Variants in PLCB3 observed in about 807,000 individuals in gnomAD.
PLCB3 encodes the protein phospholipase C beta 3.
PLCB3 carries 54 observed loss-of-function variants against 152.1 expected under a neutral mutation model. That is an observed-to-expected ratio of 0.36 (90% CI 0.29 to 0.45). The LOEUF (loss-of-function observed/expected upper bound fraction) is 0.45. PLCB3 is among the 20% of genes least tolerant of loss of function. The pLI is 1.00. For missense variants in PLCB3, 1,248 were observed against 1,687.5 expected, an observed-to-expected ratio of 0.74 and a Z score of 4.56; for synonymous variants, 717 against 698.7, an observed-to-expected ratio of 1.03 and a Z score of -0.41.
intron 12 of PLCB3, 42 bp downstream of exon 12, chr11:64,259,011 G>A (rs2031693136): frequency 6.2e-7 from 1 of 1,612,982 alleles, no homozygotes; most frequent in Non-Finnish European, 8.5e-7. Flanking sequence ...GGGGGCCAGG[G>A]TGCTGCGGAC....
rs1312390896 is a variant in PLCB3 at position 64,259,172 on chromosome 11, C to T, written c.1453C>T (p.Arg485Trp). 1.6e-5 allele frequency: 25 copies of T among 1,601,692 alleles called. No individual in the cohort carries two copies. The highest frequency in any genetic ancestry group is 2.3e-5 in the East Asian group (1 of 44,152). Residue 485 changes from arginine (R) to tryptophan (W), a missense_variant, in exon 13 of 31, where the codon CGG becomes TGG. Around this residue, in one of 6 missense-constraint regions of PLCB3, gnomAD observed 122 missense variants for 221.8 expected, o/e 0.55. Coordinates refer to ENST00000279230, the MANE Select transcript of PLCB3 (RefSeq NM_000932.5). ...TGGCCCAGACAGCGCCGGGCGCAAG[C>T]GGCCCCTGGAGCAGAGCAATTCTGC... ...AGGPDSAGRKRPLEQSNSALS... is the reference protein window; with the variant it reads ...AGGPDSAGRKWPLEQSNSALS...
At chr11:64,254,602 C>T in intron 2 of PLCB3, 110 bp downstream of exon 2, 1 of 1,355,056 alleles carries the variant, frequency 7.4e-7, no homozygotes, top group Non-Finnish European at 1.1e-6. Flanking sequence ...CCCACTGCTG[C>T]CCAGACAGGA....
intron 16 of PLCB3, 107 bp downstream of exon 16, chr11:64,261,772 C>A: frequency 1.4e-6 from 2 of 1,401,006 alleles, no homozygotes; most frequent in Non-Finnish European, 2.0e-6. Flanking sequence ...GCTGGCCCTC[C>A]GGCGGCCCTC....
At position 64,256,369 on chromosome 11, in the gene PLCB3, C is replaced by T. The variant is rs200491327; in HGVS notation, c.699-7C>T. On this transcript the variant is annotated splice_region_variant and splice_polypyrimidine_tract_variant and intron_variant, in intron 8 of 30. Coordinates refer to ENST00000279230, the MANE Select transcript of PLCB3 (RefSeq NM_000932.5). ...TCCATCCTGACCCAGCTTCCTGTCC[C>T]CTCCAGAGGCGCCAAGGGCAAGCCA... 37 of 1,612,402 alleles carry T rather than the reference C, an allele frequency of 2.3e-5. No homozygotes were observed. In the Admixed American group the frequency reaches 2.7e-4, roughly 12 times the overall value.
At position 64,263,551 on chromosome 11, in the gene PLCB3, T is replaced by C; in HGVS notation, c.2409T>C (p.Gly803=). ...SLRIAAFEEG[G]KFVGHRILPV... ...GCATTGCAGCCTTTGAGGAGGGGGG[T>C]AAATTCGTAGGGCACCGGATCCTGC... Residue 803 remains glycine (G), a synonymous_variant, in exon 20 of 31, where the codon GGT becomes GGC. Transcript: ENST00000279230. 2 of 1,597,778 alleles carry C rather than the reference T, an allele frequency of 1.3e-6. No homozygotes were observed. Among genetic ancestry groups the C allele is most frequent in the Non-Finnish European group, 1.7e-6 (2 of 1,172,614 alleles).
chr11:64,263,897 A>G, intron 21 of PLCB3, 102 bp downstream of exon 21: 3 of 1,184,000 alleles, frequency 2.5e-6, no homozygotes. Flanking sequence ...CCGACTGAGT[A>G]GGGAACTGAG....
rs548547666 is a variant in PLCB3, at chr11:64,258,130, G to A, written c.1013-343G>A. Among the ~76,000 whole-genome samples, 20 of 151,420 alleles carry A rather than the reference G, an allele frequency of 1.3e-4. No individual in the cohort carries two copies. Among genetic ancestry groups the A allele is most frequent in the Non-Finnish European group, 2.7e-4 (18 of 67,798 alleles). ...GGTTGTGCCACTGCACTCCAGCCTG[G>A]GTGACAGAGCGAGGTTCCGTCTCAA... is the stretch of plus-strand genomic sequence containing the variant. On this transcript the variant is annotated intron_variant, in intron 10 of 30. Transcript: ENST00000279230. The surrounding 1 kb of genome is among the most constrained non-coding windows in gnomAD (Gnocchi z 7.2).
chr11:64,257,815 CTGATA>C (rs2031618420), intron 10 of PLCB3, among the ~76,000 whole-genome samples: 1 of 151,728 alleles, frequency 6.6e-6, no homozygotes, highest in African/African-American at 2.4e-5. Flanking sequence ...GTGATGTGAC[CTGATA>C]TGATATGTTT....
chr11:64,257,357 G>C (rs953080122), intron 10 of PLCB3, among the ~76,000 whole-genome samples: 1 of 152,126 alleles, frequency 6.6e-6, no homozygotes, highest in East Asian at 1.9e-4. Flanking sequence ...ACTCATGCCT[G>C]TAATCCCAGA....
In PLCB3 at chr11:64,255,348, G is replaced by A. The variant is rs773958318; in HGVS notation, c.467+35G>A. ...AGGCCACCCGAGGGGGAGCCGGGGG[G>A]TTCACGTGGCCGTTTTCAGGGTGTG... On this transcript the variant is annotated intron_variant, in intron 5 of 30. Transcript: ENST00000279230. This position sits in a 1 kb window ranked among gnomAD's most constrained non-coding sequence, Gnocchi z 6.8. 1 of 1,613,552 alleles carries A rather than the reference G, an allele frequency of 6.2e-7. No homozygotes were observed. The highest frequency in any genetic ancestry group is 1.1e-5 in the South Asian group (1 of 91,062).
intron 22 of PLCB3, 68 bp from the exon 23 acceptor site, chr11:64,264,883 T>G: frequency 6.7e-7 from 1 of 1,500,530 alleles, no homozygotes; most frequent in Non-Finnish European, 9.3e-7. Flanking sequence ...ACCCAGGAGG[T>G]GGTAGAGGAC....
At position 64,267,402 on chromosome 11, in the gene PLCB3, C is replaced by A. The variant is rs1162051052; in HGVS notation, c.3551C>A (p.Pro1184His). 2 of 1,540,476 alleles carry A rather than the reference C, an allele frequency of 1.3e-6. No individual in the cohort carries two copies. The highest frequency in any genetic ancestry group is 1.8e-6 in the Non-Finnish European group (2 of 1,141,984). The change falls in exon 31 of 31, where the codon CCC becomes CAC. Residue 1184 changes from proline (P) to histidine (H), a missense_variant. Pro to His is a moderately conservative substitution (Grantham distance 77). This residue lies in a region of PLCB3 where 477 missense variants were observed against 489.6 expected (regional missense o/e 0.97). Coordinates refer to ENST00000279230, the MANE Select transcript of PLCB3 (RefSeq NM_000932.5). The surrounding 1 kb of genome is among the most constrained non-coding windows in gnomAD (Gnocchi z 5.2). ...TGTCAGGAGCAGCGGGCGAGGCTCC[C>A]CCAGGAGATCCGCCGGAGCCTGCTG... ...QECQEQRARLPQEIRRSLLGE... is the reference protein window; with the variant it reads ...QECQEQRARLHQEIRRSLLGE...
chr11:64,265,121 G>T lies in PLCB3; in HGVS notation c.2806+17G>T. 2 of 1,553,204 alleles carry T rather than the reference G, an allele frequency of 1.3e-6. No homozygotes were observed. Among genetic ancestry groups the T allele is most frequent in the Non-Finnish European group, 1.7e-6 (2 of 1,146,606 alleles). ...GCAGCCCAGGTAAGGAGTGGCCTGG[G>T]TCGGGGGTGGGCTGCAGGGAGGCAC... On this transcript the variant is annotated intron_variant, in intron 23 of 30. Coordinates refer to ENST00000279230, the MANE Select transcript of PLCB3 (RefSeq NM_000932.5).
intron 9 of PLCB3, 24 bp downstream of exon 9, chr11:64,256,566 G>A: frequency 6.2e-7 from 1 of 1,612,978 alleles, no homozygotes; most frequent in Non-Finnish European, 8.5e-7. Flanking sequence ...GGTGCAGGTG[G>A]GTGGGGGCAG....
chr11:64,257,388 G>A (rs2031597001), intron 10 of PLCB3, among the ~76,000 whole-genome samples: 1 of 152,108 alleles, frequency 6.6e-6, no homozygotes, highest in South Asian at 2.1e-4. Flanking sequence ...GCTGAAGCAG[G>A]CAGATTACTT....
chr11:64,251,895 G>C (rs1227506979), intron 1 of PLCB3, 147 bp downstream of exon 1: 1 of 445,374 alleles, frequency 2.2e-6, no homozygotes, highest in African/African-American at 2.1e-5. Context: ...TTAAGTCCCC[G>C]ATCGTCTCCG....
chr11:64,261,308 A>C, intron 14 of PLCB3, 92 bp from the exon 15 acceptor site: 2 of 912,660 alleles, frequency 2.2e-6, no homozygotes, highest in South Asian at 2.6e-5. Context: ...TAGTGCTGGG[A>C]AGAGGGTCAG....
Position 64,267,717 on chromosome 11 carries a change from G to T in PLCB3, c.*161G>T, listed in dbSNP as rs1591119504. On this transcript the variant is annotated 3_prime_UTR_variant, in exon 31 of 31. Coordinates refer to ENST00000279230, the MANE Select transcript of PLCB3 (RefSeq NM_000932.5). This position sits in a 1 kb window ranked among gnomAD's most constrained non-coding sequence, Gnocchi z 5.2. Reference sequence around the variant, plus strand: ...CTCAGCTAACTCCCTTCATCCTCCTGGGGCCCCTCCTTCCTGCCCTCAGTC... The same window carrying T: ...CTCAGCTAACTCCCTTCATCCTCCTTGGGCCCCTCCTTCCTGCCCTCAGTC... 1.6e-6 allele frequency: 1 copy of T among 633,320 alleles called. No individual in the cohort carries two copies. The highest frequency in any genetic ancestry group is 2.9e-5 in the East Asian group (1 of 34,996). The allele number at this position is 633,320 out of a possible 1,614,324, so 39.2% of individuals were successfully genotyped here. A position where few individuals can be genotyped will look rare whatever the true frequency, so the allele number is the denominator to read the frequency against.
chr11:64,251,813 C>A (rs2031217591), intron 1 of PLCB3, 65 bp downstream of exon 1: 3 of 968,096 alleles, frequency 3.1e-6, no homozygotes, highest in Admixed American at 4.0e-5. Flanking sequence ...CGACCAGACG[C>A]TGGGGACCCC....
Sources: allele counts gnomAD v4.1 joint callset (sites outside exome capture counted in the v4.1 genomes callset), GRCh38; gene constraint gnomAD v4.1.1; regional missense constraint gnomAD v4.1.1; non-coding constraint Gnocchi (gnomAD v3.1); transcripts MANE v1.5; gene names NCBI Gene and HGNC (gene_info 2026-07-23, HGNC 2026-07-21).